Variants in TMEM260 observed in about 807,000 individuals in gnomAD.
TMEM260 encodes protein O-mannosyl-transferase TMEM260.
Under a neutral mutation model 88.9 loss-of-function variants are expected in TMEM260, and 82 were observed. The ratio of observed to expected loss-of-function variants is 0.92; its 90% CI spans 0.77 to 1.11. TMEM260 has a LOEUF of 1.11. TMEM260 is among the 50% of genes least tolerant of loss of function. TMEM260 has a pLI of 0.00. For synonymous variants in TMEM260, 314 were observed against 309.3 expected (o/e 1.02, Z -0.16); for missense variants, 902 against 853.4 (o/e 1.06, Z -0.71).
rs887264775 is a variant in TMEM260, at chr14:56,580,049, C to G, written c.135C>G (p.Pro45=). Residue 45 remains proline (P), a synonymous_variant, in exon 1 of 16, where the codon CCC becomes CCG. Coordinates refer to ENST00000261556, the MANE Select transcript of TMEM260 (RefSeq NM_017799.4). ...CCGCAGTGTTCACCTTCACCCTGCC[C>G]CCTTCGGTACCGGGGGGAGACTCCG... ...AVAAVFTFTL[P]PSVPGGDSGE... 1.6e-6 allele frequency: 2 copies of G among 1,251,702 alleles called. No homozygotes were observed. The highest frequency in any genetic ancestry group is 2.0e-6 in the Non-Finnish European group (2 of 990,426). 77.5% of individuals were successfully genotyped at this position (1,251,702 alleles called of 1,614,324 possible). A position where few individuals can be genotyped will look rare whatever the true frequency, so the allele number is the denominator to read the frequency against.
chr14:56,645,688 T>C (rs1889922180), intron 15 of TMEM260, among the ~76,000 whole-genome samples: 1 of 152,128 alleles, frequency 6.6e-6, no homozygotes, highest in South Asian at 2.1e-4. Flanking sequence ...AAAATTGATA[T>C]CTGTAAAACA....
chr14:56,581,321 A>G (rs925492542), intron 1 of TMEM260, among the ~76,000 whole-genome samples: 5 of 152,192 alleles, frequency 3.3e-5, no homozygotes, highest in African/African-American at 9.7e-5. Flanking sequence ...AGGGCTGCCT[A>G]CCACGTTGAA....
intron 3 of TMEM260, among the ~76,000 whole-genome samples, chr14:56,595,773 CA>C (rs1182078217): frequency 6.6e-6 from 1 of 152,162 alleles, no homozygotes; most frequent in African/African-American, 2.4e-5. Context: ...AGGGATGAGC[CA>C]CCATGCCCAG....
chr14:56,598,925 G>T (rs1886402817), intron 3 of TMEM260, among the ~76,000 whole-genome samples: 1 of 152,150 alleles, frequency 6.6e-6, no homozygotes, highest in African/African-American at 2.4e-5. Flanking sequence ...TTTGAGAAAA[G>T]CTTTTTAAAA....
intron 8 of TMEM260, 41 bp downstream of exon 8, chr14:56,616,068 C>A: frequency 7.0e-7 from 1 of 1,423,822 alleles, no homozygotes; most frequent in Non-Finnish European, 9.9e-7. Flanking sequence ...TTTCTATGTT[C>A]ATGAATTGAA....
intron 11 of TMEM260, among the ~76,000 whole-genome samples, chr14:56,623,372 G>A (rs576739877): frequency 1.4e-4 from 22 of 152,188 alleles, no homozygotes; most frequent in African/African-American, 5.1e-4. Flanking sequence ...CTAAAACAAA[G>A]CACAGTGCTT....
rs1413413792 is a variant in TMEM260 at position 56,594,659 on chromosome 14, CTT to C, written c.344+8749_344+8750del. On this transcript the variant is annotated intron_variant, in intron 3 of 15. Coordinates refer to ENST00000261556, the MANE Select transcript of TMEM260 (RefSeq NM_017799.4). ...ATTTACAGTTCATCTGCACTTTAGA[CTT>C]TATGGATTATACAAGATAGCTTGTT... Among the ~76,000 whole-genome samples the C allele has an allele frequency of 1.4e-4, 21 of 152,178 alleles. No individual in the cohort carries two copies. The South Asian group carries it at 4.1e-3, about 30-fold the overall frequency.
chr14:56,659,384 A>C, the TMEM260 span, among the ~76,000 whole-genome samples: 1 of 151,794 alleles, frequency 6.6e-6, no homozygotes, highest in African/African-American at 2.4e-5. Context: ...GGTCTTTATG[A>C]CTTGGGTGCA....
At chr14:56,638,106 G>C (rs1889257298) in intron 15 of TMEM260, 1 of 144,874 alleles carries the variant, frequency 6.9e-6, no homozygotes, top group African/African-American at 2.4e-5. Flanking sequence ...AAGGCAGCAA[G>C]AGAGGGAGGG....
At chr14:56,630,510 T>A (rs1434410418) in intron 12 of TMEM260, among the ~76,000 whole-genome samples, 1 of 152,134 alleles carries the variant, frequency 6.6e-6, no homozygotes, top group Non-Finnish European at 1.5e-5. Context: ...TGACATACTG[T>A]CTTGCCAAAC....
chr14:56,633,288 T>A (rs1888765948), intron 13 of TMEM260, 117 bp downstream of exon 13: 1 of 744,098 alleles, frequency 1.3e-6, no homozygotes, highest in Non-Finnish European at 2.1e-6. Flanking sequence ...TTAATATTGT[T>A]ACTTGCTACC....
In TMEM260 at chr14:56,607,084, G is replaced by A. The variant is rs558449239; in HGVS notation, c.636+1401G>A. Reference sequence around the variant, plus strand: ...GTGTATATAGCAAGTTCTTTATATGGCCTTTTATTATATAAACCTTGATTA... The same window carrying A: ...GTGTATATAGCAAGTTCTTTATATGACCTTTTATTATATAAACCTTGATTA... On this transcript the variant is annotated intron_variant, in intron 5 of 15. Transcript: ENST00000261556. 3.9e-5 allele frequency among the ~76,000 whole-genome samples: 6 copies of A among 152,212 alleles called. No homozygotes were observed. In the South Asian group the frequency reaches 1.2e-3, roughly 32 times the overall value.
intron 11 of TMEM260, among the ~76,000 whole-genome samples, chr14:56,622,340 CTCAAAA>C (rs1887982506): frequency 1.6e-5 from 1 of 60,992 alleles, no homozygotes; most frequent in Non-Finnish European, 3.4e-5. Context: ...GAGACTCCGT[CTCAAAA>C]AAAAAAAAAA....
chr14:56,580,214 TTG>T lies in TMEM260; in HGVS notation c.160+146_160+147del, dbSNP rs1885030165. ...CCACCCCCCTGTGCACAGCGCACTA[TTG>T]TGTGTTCCAGAGCCCACTTCTGTTT... On this transcript the variant is annotated intron_variant, in intron 1 of 15. Transcript: ENST00000261556. 1.2e-5 allele frequency: 8 copies of T among 669,350 alleles called. No homozygotes were observed. The East Asian group carries it at 2.7e-4, about 23-fold the overall frequency. 41.5% of individuals were successfully genotyped at this position (669,350 alleles called of 1,614,324 possible).
At chr14:56,627,526 A>C (rs555220927) in intron 12 of TMEM260, among the ~76,000 whole-genome samples, 5 of 152,276 alleles carry the variant, frequency 3.3e-5, no homozygotes, top group African/African-American at 1.2e-4. Context: ...TTATACCTAC[A>C]ACAACTGCTT....
intron 3 of TMEM260, among the ~76,000 whole-genome samples, chr14:56,596,537 C>T (rs1297587152): frequency 7.3e-5 from 11 of 149,914 alleles, no homozygotes; most frequent in Non-Finnish European, 1.5e-4. Flanking sequence ...GAAGCCGAGG[C>T]GGGTGGATCA....
chr14:56,616,282 C>G (rs1368057859), intron 8 of TMEM260: 2 of 328,482 alleles, frequency 6.1e-6, no homozygotes, highest in African/African-American at 4.2e-5. Flanking sequence ...AGGTTTGATC[C>G]CTTAACTCTG....
At chr14:56,636,463 A>G in intron 14 of TMEM260, 45 bp from the exon 15 acceptor site, 4 of 1,483,732 alleles carry the variant, frequency 2.7e-6, no homozygotes, top group Middle Eastern at 1.7e-4. Context: ...CTGAATGTGC[A>G]ATTGACTGTA....
intron 10 of TMEM260, among the ~76,000 whole-genome samples, chr14:56,621,025 G>T (rs896869406): frequency 6.6e-6 from 1 of 152,158 alleles, no homozygotes; most frequent in African/African-American, 2.4e-5. Flanking sequence ...CAAAGGCAGA[G>T]AGGGACACAG....
Sources: gnomAD v4.1 joint callset for allele counts (sites outside exome capture counted in the v4.1 genomes callset) on GRCh38, gnomAD v4.1.1 for gene constraint, MANE v1.5 for transcripts, NCBI Gene and HGNC (gene_info 2026-07-23, HGNC 2026-07-21) for gene names.